The following COLEC12 variants were observed in gnomAD, a reference collection of about 807,000 sequenced individuals.
COLEC12 encodes the protein collectin subfamily member 12, also known as collectin-12.
A neutral mutation model predicts 71.1 loss-of-function variants in COLEC12; 33 were observed. The ratio of observed to expected loss-of-function variants is 0.46; its 90% CI spans 0.35 to 0.62. The LOEUF (loss-of-function observed/expected upper bound fraction) is 0.62. COLEC12 is among the 20% of genes least tolerant of loss of function. The pLI is 0.00. For missense variants in COLEC12, 765 were observed against 916.1 expected (o/e 0.84, Z 2.13); for synonymous variants, 350 against 353.0 (o/e 0.99, Z 0.10).
At chr18:481,621 T>G (rs1917418463) in intron 1 of COLEC12, among the ~76,000 whole-genome samples, 1 of 152,076 alleles carries the variant, frequency 6.6e-6, no homozygotes, top group Non-Finnish European at 1.5e-5. Context: ...GGAGAATCGC[T>G]TGAACCTGGG....
intron 7 of COLEC12, among the ~76,000 whole-genome samples, chr18:332,518 G>C (rs1317468883): frequency 6.6e-6 from 1 of 152,162 alleles, no homozygotes; most frequent in East Asian, 1.9e-4. Context: ...GTTGCTGTGA[G>C]GTTCAAGGGA....
At chr18:328,093 C>G (rs1598326300) in intron 8 of COLEC12, among the ~76,000 whole-genome samples, 1 of 152,278 alleles carries the variant, frequency 6.6e-6, no homozygotes, top group East Asian at 1.9e-4. Flanking sequence ...CCACCTCAGC[C>G]TACGCTTTCT....
At chr18:422,769 C>T (rs1046132689) in intron 2 of COLEC12, among the ~76,000 whole-genome samples, 2 of 152,026 alleles carry the variant, frequency 1.3e-5, no homozygotes, top group African/African-American at 2.4e-5. Flanking sequence ...GGGGCGAGTC[C>T]GGTTATTTGC....
intron 9 of COLEC12, among the ~76,000 whole-genome samples, chr18:321,097 C>A (rs1193222439): frequency 1.3e-5 from 2 of 152,188 alleles, no homozygotes; most frequent in African/African-American, 4.8e-5. Context: ...TGTTGTTTCC[C>A]AGGCTGGAGT....
At chr18:384,574 G>C (rs904875931) in intron 2 of COLEC12, among the ~76,000 whole-genome samples, 1 of 152,166 alleles carries the variant, frequency 6.6e-6, no homozygotes, top group Admixed American at 6.5e-5. Flanking sequence ...TTTGAGCAGG[G>C]AGTAGGAGGC....
At chr18:453,368 G>A (rs566344702) in intron 2 of COLEC12, among the ~76,000 whole-genome samples, 1 of 152,272 alleles carries the variant, frequency 6.6e-6, no homozygotes, top group South Asian at 2.1e-4. Context: ...TGAGAAGGAT[G>A]AGGAAGGAGG....
intron 1 of COLEC12, among the ~76,000 whole-genome samples, chr18:493,570 T>C (rs1193533761): frequency 6.6e-6 from 1 of 152,240 alleles, no homozygotes; most frequent in Non-Finnish European, 1.5e-5. Flanking sequence ...GGATTCCAGT[T>C]GTTTACGCAT....
chr18:493,628 T>C (rs1396828148), intron 1 of COLEC12, among the ~76,000 whole-genome samples: 1 of 152,248 alleles, frequency 6.6e-6, no homozygotes, highest in Non-Finnish European at 1.5e-5. Flanking sequence ...GCACAGAAGC[T>C]ATATTTTATT....
intron 2 of COLEC12, among the ~76,000 whole-genome samples, chr18:445,483 A>G (rs1404941606): frequency 2.0e-5 from 3 of 152,188 alleles, no homozygotes; most frequent in Non-Finnish European, 4.4e-5. Flanking sequence ...ACCGTACAAT[A>G]TGCCCATTTA....
intron 2 of COLEC12, among the ~76,000 whole-genome samples, chr18:376,484 C>A (rs775987598): frequency 6.6e-6 from 1 of 152,104 alleles, no homozygotes; most frequent in African/African-American, 2.4e-5. Context: ...GTTTTTGGCA[C>A]GTTGCACTGT....
At position 408,967 on chromosome 18, in the gene COLEC12, G is replaced by A. The variant is rs1302097818; in HGVS notation, c.59-51445C>T. On this transcript the variant is annotated intron_variant, in intron 2 of 9. Transcript: ENST00000400256. This position sits in a 1 kb window ranked among gnomAD's most constrained non-coding sequence, Gnocchi z 4.3. ...CATGCCTCAGACTCCTGAGTAGCTG[G>A]TATTACAGGCACATACCACCACGCC... 6.6e-6 allele frequency among the ~76,000 whole-genome samples: 1 copy of A among 152,006 alleles called. No homozygotes were observed. The highest frequency in any genetic ancestry group is 1.5e-5 in the Non-Finnish European group (1 of 68,006).
At position 334,962 on chromosome 18, in the gene COLEC12, T is replaced by A; in HGVS notation, c.1596A>T (p.Pro532=). ...GAGGGCCGGGGAGTCCCTCTTTGCC[T>A]GGTGGGCCCGGGGGGCCTGGGTCCC... The part of the protein sequence containing the change: ...SSGDPGPPGP[P]GKEGLPGPQG... The change falls in exon 6 of 10, where the codon CCA becomes CCT. Residue 532 remains proline, a synonymous_variant. Transcript: ENST00000400256. 6.4e-7 allele frequency: 1 copy of A among 1,561,088 alleles called. No homozygotes were observed. The highest frequency in any genetic ancestry group is 8.6e-7 in the Non-Finnish European group (1 of 1,157,902).
intron 3 of COLEC12, among the ~76,000 whole-genome samples, chr18:357,145 A>G (rs1044221034): frequency 6.6e-6 from 1 of 152,214 alleles, no homozygotes; most frequent in African/African-American, 2.4e-5. Context: ...AAAAAGCAAC[A>G]AGGGAAAAAA....
intron 1 of COLEC12, among the ~76,000 whole-genome samples, chr18:498,377 T>TTTTTTTTTTTTTTTTTTTTTG (rs1178071975): frequency 1.4e-5 from 2 of 138,254 alleles, no homozygotes; most frequent in African/African-American, 2.9e-5. Context: ...TTTTTTTTTT[T>TTTTTTTTTTTTTTTTTTTTTG]AGACGGAGTC....
chr18:422,763 C>T (rs1237236541), intron 2 of COLEC12, among the ~76,000 whole-genome samples: 5 of 152,072 alleles, frequency 3.3e-5, no homozygotes, highest in Non-Finnish European at 5.9e-5. Flanking sequence ...AAGTATGGGG[C>T]GAGTCCGGTT....
At chr18:484,753 T>G (rs1012341828) in intron 1 of COLEC12, among the ~76,000 whole-genome samples, 50 of 152,220 alleles carry the variant, frequency 3.3e-4, no homozygotes, top group Admixed American at 4.6e-4. Context: ...TAGAATCCTC[T>G]TTTGCTACCC....
rs1032060527 is a variant in COLEC12, at chr18:408,839, T to A, written c.59-51317A>T. 6.6e-5 allele frequency among the ~76,000 whole-genome samples: 10 copies of A among 152,176 alleles called. No homozygotes were observed. Among genetic ancestry groups the A allele is most frequent in the East Asian group, 1.9e-4 (1 of 5,196 alleles). ...ATACTTATTTAATTTTTAATTTTTA[T>A]TTTTTATTTTTTTGAGATAGTCTTG... is the stretch of plus-strand genomic sequence containing the variant. On this transcript the variant is annotated intron_variant, in intron 2 of 9. Transcript: ENST00000400256. This position sits in a 1 kb window ranked among gnomAD's most constrained non-coding sequence, Gnocchi z 4.3.
intron 4 of COLEC12, 110 bp downstream of exon 4, chr18:347,955 T>C (rs1598333638): frequency 4.7e-6 from 3 of 644,292 alleles, no homozygotes; most frequent in East Asian, 5.6e-5. Context: ...AACACAAAAA[T>C]TGAATGTCCT....
rs145193055 is a variant in COLEC12 at position 460,002 on chromosome 18, T to A, written c.58+20705A>T. ...TGGCCAAGTGATGAGTGATGACTGA[T>A]TAGCTTGCCGAATTCTTCACTTAAG... On this transcript the variant is annotated intron_variant, in intron 2 of 9. Coordinates refer to ENST00000400256, the MANE Select transcript of COLEC12 (RefSeq NM_130386.3). Among the ~76,000 whole-genome samples, 761 of 151,776 alleles carry A rather than the reference T, an allele frequency of 5.0e-3. 10 individuals are homozygous for A. The highest frequency in any genetic ancestry group is 0.018 in the African/African-American group (725 of 41,344).
Sources: gnomAD v4.1 joint callset for allele counts (sites outside exome capture counted in the v4.1 genomes callset) on GRCh38, gnomAD v4.1.1 for gene constraint, Gnocchi (gnomAD v3.1) non-coding constraint, MANE v1.5 for transcripts, NCBI Gene and HGNC (gene_info 2026-07-23, HGNC 2026-07-21) for gene names.